MTHFD1L: variants seen among roughly 807,000 people sequenced by gnomAD.
MTHFD1L encodes monofunctional C1-tetrahydrofolate synthase, mitochondrial.
A neutral mutation model predicts 119.5 loss-of-function variants in MTHFD1L; 81 were observed. The ratio of observed to expected loss-of-function variants is 0.68; its 90% CI spans 0.57 to 0.82. The LOEUF (loss-of-function observed/expected upper bound fraction) is 0.82, where lower values mean the gene tolerates loss of function less well. MTHFD1L is among the 40% of genes least tolerant of loss of function. The probability of loss-of-function intolerance (pLI) is 0.00; values close to 1 mark genes in which losing one functional copy is unlikely to be tolerated. For synonymous variants in MTHFD1L, 430 were observed against 475.2 expected (o/e 0.90, Z 1.24); for missense variants, 1,125 against 1,253.4 (o/e 0.90, Z 1.55).
intron 7 of MTHFD1L, chr6:150,899,081 G>A: frequency 1.3e-6 from 1 of 744,946 alleles, no homozygotes; most frequent in Non-Finnish European, 1.6e-6. Context: ...GTCTTTTCTA[G>A]CATTTTGGAC....
At chr6:150,866,798 G>T (rs1778429695) in intron 1 of MTHFD1L, among the ~76,000 whole-genome samples, 1 of 152,174 alleles carries the variant, frequency 6.6e-6, no homozygotes, top group Non-Finnish European at 1.5e-5. Context: ...GGCCTTTCCC[G>T]TCCCGGTCCC....
chr6:150,922,055 G>A, intron 9 of MTHFD1L, 150 bp from the exon 10 acceptor site: 1 of 619,700 alleles, frequency 1.6e-6, no homozygotes, highest in Non-Finnish European at 2.9e-6. Context: ...AGTTACACGT[G>A]AATAAAAATA....
At chr6:150,984,674 T>G (rs1006247574) in intron 20 of MTHFD1L, among the ~76,000 whole-genome samples, 1 of 152,194 alleles carries the variant, frequency 6.6e-6, no homozygotes, top group Non-Finnish European at 1.5e-5. Flanking sequence ...TTACACATAT[T>G]CTTCTGTATA....
intron 26 of MTHFD1L, among the ~76,000 whole-genome samples, chr6:151,070,174 T>C (rs1415702239): frequency 2.0e-5 from 3 of 152,246 alleles, no homozygotes; most frequent in African/African-American, 7.2e-5. Context: ...TTAGGTTTTA[T>C]AAATTATGTT....
At chr6:150,931,363 A>G (rs995800306) in intron 11 of MTHFD1L, among the ~76,000 whole-genome samples, 1 of 151,520 alleles carries the variant, frequency 6.6e-6, no homozygotes, top group African/African-American at 2.4e-5. Flanking sequence ...CAATGTTAAA[A>G]TAATCTGACT....
intron 26 of MTHFD1L, among the ~76,000 whole-genome samples, chr6:151,083,712 A>G (rs952336193): frequency 6.6e-6 from 1 of 152,154 alleles, no homozygotes; most frequent in Non-Finnish European, 1.5e-5. Flanking sequence ...TTGACTAAAT[A>G]TGTTACTTTG....
At chr6:151,051,297 G>C (rs1213952002) in intron 26 of MTHFD1L, among the ~76,000 whole-genome samples, 1 of 152,230 alleles carries the variant, frequency 6.6e-6, no homozygotes, top group African/African-American at 2.4e-5. Context: ...ATGGCCTTTA[G>C]TGTGGAAGCT....
intron 4 of MTHFD1L, among the ~76,000 whole-genome samples, chr6:150,880,461 T>C (rs995957205): frequency 6.6e-6 from 1 of 152,268 alleles, no homozygotes; most frequent in African/African-American, 2.4e-5. Flanking sequence ...GGTTGAATGA[T>C]ACTCCATTGT....
chr6:150,938,072 C>A (rs1213418357), intron 12 of MTHFD1L, among the ~76,000 whole-genome samples: 1 of 152,188 alleles, frequency 6.6e-6, no homozygotes, highest in Non-Finnish European at 1.5e-5. Flanking sequence ...GGCTGGAATG[C>A]AGTGGTGCAA....
intron 4 of MTHFD1L, among the ~76,000 whole-genome samples, chr6:150,882,353 C>A (rs1224780422): frequency 1.3e-5 from 2 of 152,204 alleles, no homozygotes; most frequent in East Asian, 3.9e-4. Context: ...GATTGGAATG[C>A]TTCAGATTCA....
chr6:151,005,381 G>A (rs181952744), intron 20 of MTHFD1L, among the ~76,000 whole-genome samples: 3 of 152,166 alleles, frequency 2.0e-5, no homozygotes, highest in South Asian at 2.1e-4. Flanking sequence ...GAATACAAAC[G>A]ACATAAAAGT....
At chr6:151,014,490 T>C (rs1782724159) in intron 22 of MTHFD1L, among the ~76,000 whole-genome samples, 1 of 152,226 alleles carries the variant, frequency 6.6e-6, no homozygotes, top group Admixed American at 6.5e-5. Flanking sequence ...AAATAGACTT[T>C]GATTTGCTGG....
At chr6:150,955,340 C>T (rs1021384127) in intron 16 of MTHFD1L, among the ~76,000 whole-genome samples, 7 of 152,126 alleles carry the variant, frequency 4.6e-5, no homozygotes, top group African/African-American at 1.7e-4. Context: ...ATTCCATTGC[C>T]TGTCTGTGCC....
chr6:151,061,394 G>A (rs571310429), intron 26 of MTHFD1L, among the ~76,000 whole-genome samples: 1 of 152,234 alleles, frequency 6.6e-6, no homozygotes, highest in Admixed American at 6.5e-5. Flanking sequence ...TTTTTATTGG[G>A]TAATGGTCAC....
intron 11 of MTHFD1L, chr6:150,935,266 G>A (rs1454516029): frequency 1.2e-6 from 2 of 1,611,692 alleles, no homozygotes; most frequent in South Asian, 1.1e-5. Flanking sequence ...TATTTGTTGT[G>A]GACTCTGTTG....
intron 24 of MTHFD1L, among the ~76,000 whole-genome samples, chr6:151,028,643 G>C (rs2128518681): frequency 6.6e-6 from 1 of 152,280 alleles, no homozygotes; most frequent in Admixed American, 6.5e-5. Context: ...GTTGTCAGGG[G>C]CCAAGGGGAG....
intron 22 of MTHFD1L, among the ~76,000 whole-genome samples, chr6:151,014,372 C>A (rs1288193215): frequency 6.6e-6 from 1 of 152,206 alleles, no homozygotes; most frequent in Non-Finnish European, 1.5e-5. Context: ...AACTCAAGGT[C>A]TCCAGGTCAG....
At chr6:150,961,164 G>T (rs1324802590) in intron 18 of MTHFD1L, among the ~76,000 whole-genome samples, 1 of 143,972 alleles carries the variant, frequency 6.9e-6, no homozygotes, top group Non-Finnish European at 1.5e-5. Flanking sequence ...CACGATCTCA[G>T]CTCACTGCAG....
At chr6:151,079,757 G>A (rs1385670092) in intron 26 of MTHFD1L, among the ~76,000 whole-genome samples, 1 of 151,764 alleles carries the variant, frequency 6.6e-6, no homozygotes, top group East Asian at 2.0e-4. Flanking sequence ...CCAAAGTGCT[G>A]GGATTACAGG....
Sources: allele counts gnomAD v4.1 joint callset (sites outside exome capture counted in the v4.1 genomes callset), GRCh38; gene constraint gnomAD v4.1.1; transcripts MANE v1.5; gene names NCBI Gene and HGNC (gene_info 2026-07-23, HGNC 2026-07-21).